Variants in NREP observed in about 807,000 individuals in gnomAD.
NREP encodes neuronal regeneration-related protein.
In NREP, 5 loss-of-function variants were observed where a neutral mutation model predicts 8.6. The observed-to-expected ratio is 0.58, with a 90% CI of 0.30 to 1.22. NREP has a LOEUF of 1.22. NREP is among the 50% of genes most tolerant of loss of function. NREP has a pLI of 0.07. For synonymous variants in NREP, 27 were observed against 28.0 expected (o/e 0.96, Z 0.11); for missense variants, 86 against 82.5 (o/e 1.04, Z -0.17).
chr5:111,766,860 T>C (rs1751096445), intron 2 of NREP, among the ~76,000 whole-genome samples: 1 of 152,248 alleles, frequency 6.6e-6, no homozygotes, highest in Admixed American at 6.5e-5. Context: ...AAAGCATTTT[T>C]TCTTGGTCAT....
chr5:111,862,661 G>A (rs893695642), intron 2 of NREP, among the ~76,000 whole-genome samples: 5 of 151,888 alleles, frequency 3.3e-5, no homozygotes, highest in Non-Finnish European at 5.9e-5. Flanking sequence ...CTTTTATCAC[G>A]TAACTCTTGT....
chr5:111,927,143 C>T (rs929795043), intron 2 of NREP, among the ~76,000 whole-genome samples: 3 of 152,078 alleles, frequency 2.0e-5, no homozygotes, highest in African/African-American at 7.2e-5. Context: ...AAACCATCAC[C>T]TGATGGTCAC....
At chr5:111,913,536 T>C (rs941794295) in intron 2 of NREP, among the ~76,000 whole-genome samples, 2 of 151,980 alleles carry the variant, frequency 1.3e-5, no homozygotes, top group Non-Finnish European at 2.9e-5. Flanking sequence ...GGGATGTGAG[T>C]TCATAGTTCA....
intron 2 of NREP, among the ~76,000 whole-genome samples, chr5:111,914,516 C>A (rs1340363641): frequency 6.6e-6 from 1 of 152,110 alleles, no homozygotes; most frequent in Non-Finnish European, 1.5e-5. Flanking sequence ...AAGTTGCTAG[C>A]CAATCGGGAC....
At chr5:111,975,002 A>G (rs755643778) in intron 2 of NREP, among the ~76,000 whole-genome samples, 2 of 152,230 alleles carry the variant, frequency 1.3e-5, no homozygotes, top group Non-Finnish European at 2.9e-5. Flanking sequence ...CCAGAGGTGT[A>G]CAATGGTAGA....
At chr5:111,976,321 C>A in intron 1 of NREP, among the ~76,000 whole-genome samples, 1 of 152,304 alleles carries the variant, frequency 6.6e-6, no homozygotes, top group Non-Finnish European at 1.5e-5. Context: ...CTACAGCCAA[C>A]ATTCCCCTTA....
At chr5:111,858,368 C>T (rs952991127) in intron 2 of NREP, among the ~76,000 whole-genome samples, 1 of 152,042 alleles carries the variant, frequency 6.6e-6, no homozygotes, top group Admixed American at 6.6e-5. Context: ...TTCCACAACC[C>T]GGGTCTCTCC....
At chr5:111,729,292 A>G (rs1279519080), downstream of NREP, 9 of 152,230 alleles carry the variant, frequency 5.9e-5, no homozygotes, top group Admixed American at 5.9e-4. Flanking sequence ...ATGATGAGCC[A>G]AATCAGACAG....
At chr5:111,867,217 C>T (rs546163598) in intron 2 of NREP, among the ~76,000 whole-genome samples, 8 of 151,778 alleles carry the variant, frequency 5.3e-5, no homozygotes, top group Non-Finnish European at 1.0e-4. Context: ...AACAAAATAC[C>T]ATAGACTGAG....
chr5:111,900,288 C>T (rs1236673329), intron 2 of NREP, among the ~76,000 whole-genome samples: 1 of 151,490 alleles, frequency 6.6e-6, no homozygotes, highest in African/African-American at 2.4e-5. Context: ...AAAAGCAGTG[C>T]TGAGAGAGAT....
chr5:111,955,083 C>T (rs1159873997), intron 2 of NREP, among the ~76,000 whole-genome samples: 1 of 152,148 alleles, frequency 6.6e-6, no homozygotes, highest in East Asian at 1.9e-4. Flanking sequence ...AACGTGTCTC[C>T]ATTCGTTGAT....
At chr5:111,868,251 G>C (rs10073194) in intron 2 of NREP, among the ~76,000 whole-genome samples, 2,115 of 152,176 alleles carry the variant, frequency 0.014, 48 homozygotes, top group African/African-American at 0.048. Flanking sequence ...ACTAAAAAAA[G>C]TTATAGCTAG....
intron 2 of NREP, among the ~76,000 whole-genome samples, chr5:111,813,403 TC>T (rs1263479527): frequency 1.3e-5 from 2 of 152,176 alleles, no homozygotes; most frequent in Non-Finnish European, 2.9e-5. Flanking sequence ...ATTTACCAAA[TC>T]CTGTGAGTTA....
intron 2 of NREP, among the ~76,000 whole-genome samples, chr5:111,886,802 T>A (rs1348357951): frequency 6.7e-6 from 1 of 149,510 alleles, no homozygotes; most frequent in Non-Finnish European, 1.5e-5. Context: ...AAGGGGAACA[T>A]CACACTCTGG....
At chr5:111,901,871 C>T (rs959897016) in intron 2 of NREP, among the ~76,000 whole-genome samples, 1 of 152,096 alleles carries the variant, frequency 6.6e-6, no homozygotes, top group Non-Finnish European at 1.5e-5. Context: ...AACGACTGTA[C>T]TACTCAAAGC....
intron 2 of NREP, among the ~76,000 whole-genome samples, chr5:111,897,791 T>C (rs12513517): frequency 0.054 from 8,268 of 152,226 alleles, 311 homozygotes; most frequent in Non-Finnish European, 0.077. Context: ...ATTTTTTTAC[T>C]AATTTTAAAA....
chr5:111,837,960 C>T (rs989113342), intron 2 of NREP, among the ~76,000 whole-genome samples: 2 of 151,944 alleles, frequency 1.3e-5, no homozygotes, highest in African/African-American at 4.8e-5. Context: ...ATCTACAATG[C>T]AATTTTGCTA....
intron 2 of NREP, among the ~76,000 whole-genome samples, chr5:111,848,111 A>G (rs950916183): frequency 6.6e-6 from 1 of 152,186 alleles, no homozygotes; most frequent in Non-Finnish European, 1.5e-5. Flanking sequence ...CTCTAAGCTA[A>G]TACATGTCTG....
chr5:111,777,347 T>TGTGTGTGA (rs1751388904), intron 2 of NREP, among the ~76,000 whole-genome samples: 1 of 146,262 alleles, frequency 6.8e-6, no homozygotes, highest in South Asian at 2.1e-4. Flanking sequence ...GGTGTGGGTG[T>TGTGTGTGA]GTGTGTGAGT....
Sources: allele counts gnomAD v4.1 joint callset (sites outside exome capture counted in the v4.1 genomes callset), GRCh38; gene constraint gnomAD v4.1.1; transcripts MANE v1.5; gene names NCBI Gene and HGNC (gene_info 2026-07-23, HGNC 2026-07-21).